Variants in PACSIN1 observed in about 807,000 individuals in gnomAD.
The protein encoded by PACSIN1 is protein kinase C and casein kinase substrate in neurons protein 1.
In PACSIN1, 15 loss-of-function variants were observed where a neutral mutation model predicts 59.5. That is an observed-to-expected ratio of 0.25 (90% CI 0.17 to 0.39). The LOEUF (loss-of-function observed/expected upper bound fraction) is 0.39. PACSIN1 is among the 10% of genes least tolerant of loss of function. The probability of loss-of-function intolerance (pLI) is 1.00; values close to 1 mark genes in which losing one functional copy is unlikely to be tolerated. For synonymous variants in PACSIN1, 210 were observed against 220.6 expected, an observed-to-expected ratio of 0.95 and a Z score of 0.42; for missense variants, 420 against 580.2, an observed-to-expected ratio of 0.72 and a Z score of 2.84.
At chr6:34,493,688 G>T (rs1419019700) in intron 1 of PACSIN1, among the ~76,000 whole-genome samples, 1 of 152,194 alleles carries the variant, frequency 6.6e-6, no homozygotes, top group African/African-American at 2.4e-5. Context: ...GAGATGTGGG[G>T]AGCCCTTGGA....
intron 1 of PACSIN1, among the ~76,000 whole-genome samples, chr6:34,504,286 ATATAT>A (rs1305547225): frequency 0.1 from 8,778 of 85,810 alleles, 339 homozygotes; most frequent in East Asian, 0.16. Context: ...ATATATATAT[ATATAT>A]TTTTTTTTTT....
intron 1 of PACSIN1, among the ~76,000 whole-genome samples, chr6:34,471,860 C>T (rs1482712378): frequency 6.6e-6 from 1 of 152,146 alleles, no homozygotes; most frequent in Non-Finnish European, 1.5e-5. Context: ...CCTCTTTGTA[C>T]GCTGTGATTT....
intron 1 of PACSIN1, among the ~76,000 whole-genome samples, chr6:34,467,876 G>A (rs1766519864): frequency 6.6e-6 from 1 of 152,174 alleles, no homozygotes; most frequent in Non-Finnish European, 1.5e-5. Context: ...CCTAAGCCTG[G>A]AGTTGATGGG....
intron 1 of PACSIN1, among the ~76,000 whole-genome samples, chr6:34,508,429 A>G (rs1242388304): frequency 2.6e-5 from 4 of 151,726 alleles, no homozygotes; most frequent in Non-Finnish European, 5.9e-5. Context: ...AATTTTCTTT[A>G]TTTTTATATT....
At chr6:34,527,220 C>T in intron 2 of PACSIN1, 112 bp from the exon 3 acceptor site, 1 of 1,074,484 alleles carries the variant, frequency 9.3e-7, no homozygotes, top group Non-Finnish European at 1.2e-6. Context: ...ACGGCGAGGC[C>T]GTAAGCGGGG....
intron 1 of PACSIN1, among the ~76,000 whole-genome samples, chr6:34,468,509 C>A (rs1766527972): frequency 6.6e-6 from 1 of 152,242 alleles, no homozygotes; most frequent in Admixed American, 6.5e-5. Flanking sequence ...ACCATTCCCA[C>A]ACCCAGGCTG....
intron 1 of PACSIN1, among the ~76,000 whole-genome samples, chr6:34,473,201 G>A (rs964018597): frequency 1.5e-5 from 2 of 129,766 alleles, no homozygotes; most frequent in Non-Finnish European, 3.2e-5. Context: ...GGAAGGAAAG[G>A]CTGGTCAGAT....
rs374006908 is a variant in PACSIN1, at chr6:34,503,619, A to G, written c.-63-22624A>G. Among the ~76,000 whole-genome samples the G allele has an allele frequency of 2.6e-5, 4 of 152,180 alleles. No homozygotes were observed. In the East Asian group the frequency reaches 5.8e-4, roughly 22 times the overall value. On this transcript the variant is annotated intron_variant, in intron 1 of 9. Transcript: ENST00000244458. ...AATGTGGGCTAGGGGTGCTCACAGA[A>G]GTCACTCAGTCCACCTTACAGCAAG...
chr6:34,471,159 G>A (rs1210376168), intron 1 of PACSIN1, among the ~76,000 whole-genome samples: 1 of 152,116 alleles, frequency 6.6e-6, no homozygotes, highest in Non-Finnish European at 1.5e-5. Context: ...TGTTGGCCAG[G>A]CTGGTCTCAA....
chr6:34,495,123 G>A (rs1028136409), intron 1 of PACSIN1, among the ~76,000 whole-genome samples: 1 of 152,028 alleles, frequency 6.6e-6, no homozygotes, highest in African/African-American at 2.4e-5. Flanking sequence ...CCTCCAAAAT[G>A]GGCAGGATCT....
At chr6:34,504,586 G>A (rs1467743963) in intron 1 of PACSIN1, among the ~76,000 whole-genome samples, 4 of 152,030 alleles carry the variant, frequency 2.6e-5, no homozygotes, top group African/African-American at 4.8e-5. Context: ...CCACACAACA[G>A]GCCGTAATGT....
chr6:34,482,306 G>A (rs1766730689), intron 1 of PACSIN1, among the ~76,000 whole-genome samples: 1 of 152,120 alleles, frequency 6.6e-6, no homozygotes, highest in Non-Finnish European at 1.5e-5. Context: ...GGCTAGTCTT[G>A]AACCCCTGAC....
At chr6:34,509,322 C>G (rs1767164490) in intron 1 of PACSIN1, among the ~76,000 whole-genome samples, 1 of 152,168 alleles carries the variant, frequency 6.6e-6, no homozygotes, top group Admixed American at 6.5e-5. Flanking sequence ...CACTGAAGAT[C>G]TGTTGATCAT....
chr6:34,513,695 TA>T (rs1767240896), intron 1 of PACSIN1, among the ~76,000 whole-genome samples: 2 of 151,940 alleles, frequency 1.3e-5, no homozygotes, highest in African/African-American at 4.8e-5. Context: ...GAGGGGGCTC[TA>T]GGGGGGATCT....
chr6:34,492,166 A>T (rs1226248388), intron 1 of PACSIN1, among the ~76,000 whole-genome samples: 1 of 147,698 alleles, frequency 6.8e-6, no homozygotes, highest in Non-Finnish European at 1.5e-5. Context: ...TTTTGTCTGC[A>T]GCCTTGCCTG....
At position 34,533,322 on chromosome 6, in the gene PACSIN1, G is replaced by A. The variant is rs1213937705; in HGVS notation, c.*792G>A. 2 of 152,236 alleles carry A rather than the reference G, an allele frequency of 1.3e-5. No homozygotes were observed. The highest frequency in any genetic ancestry group is 2.4e-5 in the African/African-American group (1 of 41,438). The allele number at this position is 152,236 out of a possible 1,614,324, so 9.4% of individuals were successfully genotyped here. Reference sequence around the variant, plus strand: ...TCCAGCTATCAGCACTTTCAGCATCGGCTCTTCAGCAGATCCAAACCCCCT... The same window carrying A: ...TCCAGCTATCAGCACTTTCAGCATCAGCTCTTCAGCAGATCCAAACCCCCT... On this transcript the variant is annotated 3_prime_UTR_variant, in exon 10 of 10. Transcript: ENST00000244458.
At position 34,488,508 on chromosome 6, in the gene PACSIN1, T is replaced by A. The variant is rs937961244; in HGVS notation, c.-64+22238T>A. On this transcript the variant is annotated intron_variant, in intron 1 of 9. Coordinates refer to ENST00000244458, the MANE Select transcript of PACSIN1 (RefSeq NM_020804.5). The surrounding 1 kb of genome is among the most constrained non-coding windows in gnomAD (Gnocchi z 4.7). ...TCTCTTGGTGGAACTATTTCCCCTT[T>A]GGGAACCAGGATTTCTAAACTTGCA... Among the ~76,000 whole-genome samples, 10 of 152,174 alleles carry A rather than the reference T, an allele frequency of 6.6e-5. No homozygotes were observed. The highest frequency in any genetic ancestry group is 1.9e-4 in the African/African-American group (8 of 41,432).
At chr6:34,513,771 C>T (rs1215135342) in intron 1 of PACSIN1, among the ~76,000 whole-genome samples, 3 of 152,126 alleles carry the variant, frequency 2.0e-5, no homozygotes, top group Admixed American at 6.5e-5. Flanking sequence ...CCCCATCCCC[C>T]TTCAGCAGCA....
intron 1 of PACSIN1, among the ~76,000 whole-genome samples, chr6:34,478,860 C>T (rs555814433): frequency 6.6e-6 from 1 of 152,280 alleles, no homozygotes; most frequent in African/African-American, 2.4e-5. Context: ...TTATTTGGCT[C>T]ACAATTCTGG....
Sources: allele counts gnomAD v4.1 joint callset (sites outside exome capture counted in the v4.1 genomes callset), GRCh38; gene constraint gnomAD v4.1.1; non-coding constraint Gnocchi (gnomAD v3.1); transcripts MANE v1.5; gene names NCBI Gene and HGNC (gene_info 2026-07-23, HGNC 2026-07-21).